Variants in COG6 observed in about 807,000 individuals in gnomAD.
COG6 encodes the protein conserved oligomeric Golgi complex subunit 6.
In COG6, 74 loss-of-function variants were observed where a neutral mutation model predicts 88.8. The ratio of observed to expected loss-of-function variants is 0.83; its 90% CI spans 0.69 to 1.01. COG6 has a LOEUF of 1.01. COG6 is among the 50% of genes least tolerant of loss of function. COG6 has a pLI of 0.00. For missense variants in COG6, 800 were observed against 797.9 expected (o/e 1.00, Z -0.03); for synonymous variants, 286 against 278.7 (o/e 1.03, Z -0.26).
chr13:39,694,786 A>G (rs927690218), intron 12 of COG6, 61 bp downstream of exon 12: 2 of 924,552 alleles, frequency 2.2e-6, no homozygotes, highest in Non-Finnish European at 3.5e-6. Flanking sequence ...CAGTTAGAGC[A>G]CAGTATAAGA....
intron 18 of COG6, among the ~76,000 whole-genome samples, chr13:39,741,067 T>G (rs1352525766): frequency 6.6e-6 from 1 of 152,210 alleles, no homozygotes; most frequent in African/African-American, 2.4e-5. Flanking sequence ...GCTCACTGAT[T>G]TTTGGAAGTA....
intron 18 of COG6, among the ~76,000 whole-genome samples, chr13:39,750,518 CT>C (rs1880566501): frequency 6.6e-6 from 1 of 152,098 alleles, no homozygotes; most frequent in Admixed American, 6.5e-5. Flanking sequence ...GAGCAGTTTA[CT>C]TTAAGTTTTC....
At chr13:39,784,940 C>T (rs1881728786) in intron 18 of COG6, among the ~76,000 whole-genome samples, 1 of 152,046 alleles carries the variant, frequency 6.6e-6, no homozygotes, top group African/African-American at 2.4e-5. Context: ...CCTAAATGAG[C>T]AATGTATTAG....
intron 3 of COG6, among the ~76,000 whole-genome samples, chr13:39,663,458 T>C (rs967090495): frequency 1.3e-5 from 2 of 152,094 alleles, no homozygotes; most frequent in African/African-American, 4.8e-5. Flanking sequence ...GATACTATAT[T>C]TTAAAAATTG....
intron 18 of COG6, among the ~76,000 whole-genome samples, chr13:39,749,466 A>G (rs1205236126): frequency 2.0e-5 from 3 of 152,224 alleles, no homozygotes; most frequent in African/African-American, 7.2e-5. Flanking sequence ...TTGATGCAGA[A>G]CTAACCCCTT....
At chr13:39,703,234 A>G (rs1011748379) in intron 13 of COG6, among the ~76,000 whole-genome samples, 1 of 152,090 alleles carries the variant, frequency 6.6e-6, no homozygotes, top group African/African-American at 2.4e-5. Flanking sequence ...CTACTGAAAA[A>G]GTGCCAACTC....
intron 18 of COG6, among the ~76,000 whole-genome samples, chr13:39,770,594 C>T (rs894262027): frequency 6.6e-6 from 1 of 152,100 alleles, no homozygotes; most frequent in Non-Finnish European, 1.5e-5. Flanking sequence ...ACGTGTTTAT[C>T]GTGTTTATTC....
chr13:39,668,311 A>G (rs1875394374), intron 4 of COG6, among the ~76,000 whole-genome samples: 1 of 152,176 alleles, frequency 6.6e-6, no homozygotes, highest in Non-Finnish European at 1.5e-5. Context: ...GCAGTGGTCC[A>G]GAGACTATAA....
At chr13:39,715,214 A>C (rs904582368) in intron 13 of COG6, among the ~76,000 whole-genome samples, 4 of 151,916 alleles carry the variant, frequency 2.6e-5, no homozygotes, top group Non-Finnish European at 5.9e-5. Flanking sequence ...ATTTAAAAAA[A>C]AATTTTTAAA....
At chr13:39,662,029 TAGAG>T (rs1242413314) in intron 3 of COG6, among the ~76,000 whole-genome samples, 4 of 151,922 alleles carry the variant, frequency 2.6e-5, no homozygotes, top group Admixed American at 1.3e-4. Flanking sequence ...CTTTTCATCA[TAGAG>T]AGATTTAAAT....
At chr13:39,659,340 T>G (rs1874740960) in intron 1 of COG6, 24 bp from the exon 2 acceptor site, 1 of 1,607,460 alleles carries the variant, frequency 6.2e-7, no homozygotes, top group South Asian at 1.1e-5. Flanking sequence ...TTCCAGTAAC[T>G]GTCTTCTGTT....
At chr13:39,670,001 G>C (rs1294405841) in intron 4 of COG6, among the ~76,000 whole-genome samples, 1 of 152,054 alleles carries the variant, frequency 6.6e-6, no homozygotes, top group Non-Finnish European at 1.5e-5. Flanking sequence ...CAAGCAGTTA[G>C]CTTTAGAAAT....
chr13:39,663,760 T>C (rs986634313), intron 3 of COG6, among the ~76,000 whole-genome samples: 4 of 151,992 alleles, frequency 2.6e-5, no homozygotes, highest in African/African-American at 9.7e-5. Flanking sequence ...TGGTGGCACA[T>C]GCCTATAGTC....
intron 8 of COG6, 59 bp downstream of exon 8, chr13:39,682,323 T>C: frequency 1.1e-6 from 1 of 927,126 alleles, no homozygotes; most frequent in Admixed American, 1.8e-5. Context: ...TATCTTACTT[T>C]AAATTTTAGT....
intron 4 of COG6, among the ~76,000 whole-genome samples, chr13:39,666,626 A>T (rs941318106): frequency 2.0e-5 from 3 of 152,140 alleles, no homozygotes; most frequent in Non-Finnish European, 4.4e-5. Flanking sequence ...TTCTTAACAC[A>T]ATTCTCTTCA....
intron 13 of COG6, among the ~76,000 whole-genome samples, chr13:39,711,981 T>G (rs1336926710): frequency 6.6e-6 from 1 of 152,122 alleles, no homozygotes; most frequent in Non-Finnish European, 1.5e-5. Flanking sequence ...AGCTTCAGCC[T>G]CCCGAGTGGC....
At chr13:39,664,217 GT>G (rs1188893953) in intron 3 of COG6, 1 of 154,226 alleles carries the variant, frequency 6.5e-6, no homozygotes, top group Non-Finnish European at 1.5e-5. Context: ...GTCTTCAGGT[GT>G]TTGCTCTGGT....
At chr13:39,703,882 A>G (rs1023576637) in intron 13 of COG6, among the ~76,000 whole-genome samples, 7 of 151,648 alleles carry the variant, frequency 4.6e-5, no homozygotes, top group African/African-American at 1.7e-4. Flanking sequence ...GCATGCCACC[A>G]TGCCCAGCTA....
chr13:39,707,601 T>C (rs7337990), intron 13 of COG6, among the ~76,000 whole-genome samples: 141,614 of 152,324 alleles, frequency 0.93, 65,883 homozygotes, highest in East Asian at 1. Context: ...CGGTGTAAAC[T>C]GCTGTCTGAC....
Sources: gnomAD v4.1 joint callset for allele counts (sites outside exome capture counted in the v4.1 genomes callset) on GRCh38, gnomAD v4.1.1 for gene constraint, MANE v1.5 for transcripts, NCBI Gene and HGNC (gene_info 2026-07-23, HGNC 2026-07-21) for gene names.